Variants in STX17 observed in about 807,000 individuals in gnomAD.
The protein encoded by STX17 is syntaxin-17.
A neutral mutation model predicts 35.9 loss-of-function variants in STX17; 29 were observed. The ratio of observed to expected loss-of-function variants is 0.81; its 90% CI spans 0.60 to 1.10. STX17 has a LOEUF of 1.10. Among genes scored for constraint, STX17 ranks in the 50% least tolerant of loss-of-function variants. The pLI, the probability that STX17 is intolerant of heterozygous loss-of-function variation, is 0.00. For missense variants in STX17, 312 were observed against 352.3 expected, an observed-to-expected ratio of 0.89 and a Z score of 0.92; for synonymous variants, 92 against 118.3, an observed-to-expected ratio of 0.78 and a Z score of 1.44.
intron 3 of STX17, among the ~76,000 whole-genome samples, chr9:99,950,807 G>A (rs2118480910): frequency 6.6e-6 from 1 of 151,994 alleles, no homozygotes; most frequent in South Asian, 2.1e-4. Flanking sequence ...TTATTGTGAA[G>A]AGCATTTATT....
intron 1 of STX17, among the ~76,000 whole-genome samples, chr9:99,908,522 G>T (rs1023492560): frequency 3.6e-4 from 55 of 152,274 alleles, no homozygotes; most frequent in African/African-American, 1.2e-3. Flanking sequence ...TCCTACACTT[G>T]TGTTATTTTA....
At chr9:99,951,430 G>A (rs768002319) in intron 4 of STX17, 145 bp downstream of exon 4, 1 of 712,086 alleles carries the variant, frequency 1.4e-6, no homozygotes, top group Non-Finnish European at 2.2e-6. Flanking sequence ...CCTGATCAGT[G>A]TTCCTGGAAA....
chr9:99,928,857 AT>A lies in STX17; in HGVS notation c.189+20del. 1 of 1,611,276 alleles carries A rather than the reference AT, an allele frequency of 6.2e-7. No individual in the cohort carries two copies. Among genetic ancestry groups the A allele is most frequent in the Non-Finnish European group, 8.5e-7 (1 of 1,178,216 alleles). On this transcript the variant is annotated intron_variant, in intron 3 of 7. Coordinates refer to ENST00000259400, the MANE Select transcript of STX17 (RefSeq NM_017919.3). ...CGTACAGTTCAGGTAAGGCTATTAT[AT>A]TTTTTCTGCTAAATCAGTATGAAAA...
At chr9:99,956,758 A>G (rs1241383628) in intron 4 of STX17, among the ~76,000 whole-genome samples, 1 of 152,218 alleles carries the variant, frequency 6.6e-6, no homozygotes, top group Non-Finnish European at 1.5e-5. Context: ...TCTACAAATT[A>G]CTTTTTAGTC....
Position 99,951,157 on chromosome 9 carries a change from A to C in STX17, c.287A>C (p.Glu96Ala). 1 of 1,613,168 alleles carries C rather than the reference A, an allele frequency of 6.2e-7. No homozygotes were observed. Among genetic ancestry groups the C allele is most frequent in the African/African-American group, 1.3e-5 (1 of 75,010 alleles). ...LLKRMIDPVK[E>A]EASAATAEFL... The stretch of plus-strand genomic sequence containing the variant: ...AAGAGAATGATAGATCCTGTTAAAG[A>C]AGAAGCATCAGCAGCAACAGCAGAA... The change falls in exon 4 of 8, where the codon GAA becomes GCA. Residue 96 changes from glutamate to alanine, a missense_variant. Transcript: ENST00000259400.
chr9:99,960,182 G>C, intron 6 of STX17, 27 bp downstream of exon 6: 1 of 1,602,000 alleles, frequency 6.2e-7, no homozygotes, highest in Non-Finnish European at 8.5e-7. Context: ...TTTGGATGCA[G>C]AATTGTTGGA....
Position 99,969,187 on chromosome 9 carries a change from T to A in STX17, c.*514T>A, listed in dbSNP as rs1035942181. 2.0e-5 allele frequency: 3 copies of A among 152,196 alleles called. No homozygotes were observed. The highest frequency in any genetic ancestry group is 7.2e-5 in the African/African-American group (3 of 41,434). The allele number at this position is 152,196 out of a possible 1,614,324, so 9.4% of individuals were successfully genotyped here. On this transcript the variant is annotated 3_prime_UTR_variant, in exon 8 of 8. Transcript: ENST00000259400. Reference sequence around the variant, plus strand: ...AGTCCATTGGCGAACCCTATTGCAATTTGGTCCAACTATATCTTCTGGTGA... The same window carrying A: ...AGTCCATTGGCGAACCCTATTGCAAATTGGTCCAACTATATCTTCTGGTGA...
At chr9:99,929,883 G>T (rs1326594078) in intron 3 of STX17, 2 of 148,172 alleles carry the variant, frequency 1.3e-5, no homozygotes, top group Non-Finnish European at 3.0e-5. Flanking sequence ...TCTGTCACAT[G>T]CTGTCAGTAA....
intron 6 of STX17, among the ~76,000 whole-genome samples, chr9:99,964,915 A>T (rs921636173): frequency 6.6e-6 from 1 of 152,126 alleles, no homozygotes; most frequent in Non-Finnish European, 1.5e-5. Context: ...ATTTGAAGAT[A>T]TGGGCAAAGT....
At chr9:99,919,979 A>C (rs565847843) in intron 2 of STX17, among the ~76,000 whole-genome samples, 1 of 152,358 alleles carries the variant, frequency 6.6e-6, no homozygotes, top group Admixed American at 6.5e-5. Flanking sequence ...GATTACAATG[A>C]AAGTATTTTT....
rs116702858 is a variant in STX17 at position 99,933,892 on chromosome 9, A to C, written c.189+5049A>C. Among the ~76,000 whole-genome samples the C allele has an allele frequency of 5.6e-3, 856 of 152,304 alleles. 6 individuals are homozygous for C. The highest frequency in any genetic ancestry group is 0.02 in the African/African-American group (813 of 41,582). ...CCTCAGCTCTTCTTCCCAAATACTT[A>C]ATATTTAGTAACAATACTAATTGAT... On this transcript the variant is annotated intron_variant, in intron 3 of 7. Coordinates refer to ENST00000259400, the MANE Select transcript of STX17 (RefSeq NM_017919.3).
chr9:99,937,029 A>T (rs1031721055), intron 3 of STX17, among the ~76,000 whole-genome samples: 1 of 152,132 alleles, frequency 6.6e-6, no homozygotes, highest in Non-Finnish European at 1.5e-5. Context: ...TTTTAAAAGA[A>T]ATTTTGCTGT....
chr9:99,963,169 C>A (rs1228033949), intron 6 of STX17, among the ~76,000 whole-genome samples: 3 of 152,116 alleles, frequency 2.0e-5, no homozygotes, highest in East Asian at 1.9e-4. Context: ...AAAGAACTTA[C>A]AAAGCCATTG....
chr9:99,911,945 C>T (rs182165168), intron 1 of STX17, among the ~76,000 whole-genome samples: 3 of 152,262 alleles, frequency 2.0e-5, no homozygotes, highest in South Asian at 2.1e-4. Context: ...TCCTCTTTCT[C>T]GCCAGGCGTC....
At chr9:99,929,483 A>G (rs983332562) in intron 3 of STX17, among the ~76,000 whole-genome samples, 3 of 151,914 alleles carry the variant, frequency 2.0e-5, no homozygotes, top group African/African-American at 7.2e-5. Flanking sequence ...TATATTCTCC[A>G]CCTACAAGTC....
intron 3 of STX17, among the ~76,000 whole-genome samples, chr9:99,936,164 C>T (rs1185859665): frequency 6.6e-6 from 1 of 152,156 alleles, no homozygotes; most frequent in Non-Finnish European, 1.5e-5. Flanking sequence ...ACTAATAAAG[C>T]TGCTATGAAC....
chr9:99,907,778 GTTAATA>G (rs976942428), intron 1 of STX17, among the ~76,000 whole-genome samples: 11 of 152,130 alleles, frequency 7.2e-5, no homozygotes, highest in African/African-American at 2.4e-4. Flanking sequence ...AAAGCAAGAA[GTTAATA>G]TTAGTATAAT....
At chr9:99,948,815 G>A (rs1267681321) in intron 3 of STX17, among the ~76,000 whole-genome samples, 4 of 151,936 alleles carry the variant, frequency 2.6e-5, no homozygotes, top group Non-Finnish European at 5.9e-5. Context: ...TTCTTAGCTG[G>A]ATACTGTAAT....
chr9:99,920,046 C>T (rs1828858798), intron 2 of STX17, among the ~76,000 whole-genome samples: 1 of 152,148 alleles, frequency 6.6e-6, no homozygotes, highest in African/African-American at 2.4e-5. Context: ...CCTTTCCCAA[C>T]CTCGTTCCTT....
Sources: allele counts gnomAD v4.1 joint callset (sites outside exome capture counted in the v4.1 genomes callset), GRCh38; gene constraint gnomAD v4.1.1; transcripts MANE v1.5; gene names NCBI Gene and HGNC (gene_info 2026-07-23, HGNC 2026-07-21).